CCDC187: variants seen among roughly 807,000 people sequenced by gnomAD.
The protein encoded by CCDC187 is coiled-coil domain containing 187, also known as coiled-coil domain-containing protein 187.
Under a neutral mutation model 38.0 loss-of-function variants are expected in CCDC187, and 32 were observed. The observed-to-expected ratio is 0.84, with a 90% CI of 0.64 to 1.13. The LOEUF is 1.13. CCDC187 is among the 50% of genes most tolerant of loss of function. The probability of loss-of-function intolerance (pLI) is 0.00; values close to 1 mark genes in which losing one functional copy is unlikely to be tolerated. For missense variants in CCDC187, 707 were observed against 786.8 expected (o/e 0.90, Z 1.21); for synonymous variants, 333 against 347.9 (o/e 0.96, Z 0.48).
At chr9:136,291,713 C>T (rs1278976833) in intron 5 of CCDC187, 68 bp from the exon 6 acceptor site, 3 of 398,370 alleles carry the variant, frequency 7.5e-6, no homozygotes, top group East Asian at 3.6e-5. Flanking sequence ...CTCCTCCATC[C>T]GGGCTGGAGG....
In CCDC187 at chr9:136,264,587, C is replaced by T. The variant is rs140012994; in HGVS notation, c.3736-789G>A. On this transcript the variant is annotated intron_variant, in intron 17 of 25. Transcript: ENST00000638797. The surrounding 1 kb of genome is among the most constrained non-coding windows in gnomAD (Gnocchi z 4.3). ...CATGGGTCTGTGGCCTGGGTCTCCG[C>T]CCCCAGCTCCCTTGCCTGTAATGCC... Among the ~76,000 whole-genome samples, 280 of 152,276 alleles carry T rather than the reference C, an allele frequency of 1.8e-3. 1 individual carries two copies. Among genetic ancestry groups the T allele is most frequent in the African/African-American group, 6.4e-3 (266 of 41,556 alleles).
chr9:136,283,855 C>A (rs1386159714), intron 9 of CCDC187, among the ~76,000 whole-genome samples: 1 of 152,196 alleles, frequency 6.6e-6, no homozygotes, highest in African/African-American at 2.4e-5. Flanking sequence ...GGGCAGAAGT[C>A]GTCCTGGGCA....
rs1830740976 is a variant in CCDC187, at chr9:136,266,059, A to T, written c.3648-16T>A. 1 of 984,950 alleles carries T rather than the reference A, an allele frequency of 1.0e-6. No homozygotes were observed. Among genetic ancestry groups the T allele is most frequent in the Non-Finnish European group, 1.2e-6 (1 of 829,580 alleles). The allele number at this position is 984,950 out of a possible 1,614,324, so 61.0% of individuals were successfully genotyped here. On this transcript the variant is annotated splice_polypyrimidine_tract_variant and intron_variant, in intron 16 of 25. Transcript: ENST00000638797. ...GTCCAGGCACCTGGGGGGAGGTGGC[A>T]ACATCACTGCCAATGTTGACAGCCC...
rs145421342 is a variant in CCDC187 at position 136,255,306 on chromosome 9, C to T, written c.4694-172G>A. ...TTGTGATTCCAACCCAGGGGTTCAC[C>T]ACGCCCACCCCCACCCACACGCAAT... On this transcript the variant is annotated intron_variant, in intron 25 of 25. Transcript: ENST00000638797. 5.2e-3 allele frequency among the ~76,000 whole-genome samples: 791 copies of T among 152,296 alleles called. 1 individual carries two copies. The highest frequency in any genetic ancestry group is 0.014 in the Middle Eastern group (4 of 294).
Position 136,289,748 on chromosome 9 carries a change from A to T in CCDC187, c.2222+211T>A, listed in dbSNP as rs965369186. The stretch of plus-strand genomic sequence containing the variant: ...ACGTGGTGGATTTAAGTTTGATGCG[A>T]CTCTTGCCTCCATGAGAACAAGCAC... On this transcript the variant is annotated intron_variant, in intron 7 of 25. Coordinates refer to ENST00000638797, the MANE Select transcript of CCDC187 (RefSeq NM_001378188.1). Among the ~76,000 whole-genome samples, 27 of 151,364 alleles carry T rather than the reference A, an allele frequency of 1.8e-4. No homozygotes were observed. The South Asian group carries it at 5.6e-3, about 32-fold the overall frequency.
intron 23 of CCDC187, 92 bp from the exon 24 acceptor site, chr9:136,256,415 G>T: frequency 3.5e-6 from 2 of 571,082 alleles, no homozygotes; most frequent in Non-Finnish European, 2.2e-6. Flanking sequence ...TGCTTCCAGC[G>T]ACCACGGTAA....
chr9:136,267,291 C>CGGGGCAGGGAG, intron 16 of CCDC187, 93 bp downstream of exon 16: 1 of 799,248 alleles, frequency 1.3e-6, no homozygotes, highest in Non-Finnish European at 1.4e-6. Context: ...GGGACCCGGA[C>CGGGGCAGGGAG]GGGGCAGGGA....
intron 9 of CCDC187, among the ~76,000 whole-genome samples, chr9:136,284,343 C>T (rs1246094074): frequency 1.3e-5 from 2 of 152,166 alleles, no homozygotes; most frequent in East Asian, 3.9e-4. Context: ...GGGGAGCCCA[C>T]GTCTAGGTGT....
At position 136,264,262 on chromosome 9, in the gene CCDC187, G is replaced by A. The variant is rs550145826; in HGVS notation, c.3736-464C>T. 5.2e-5 allele frequency: 8 copies of A among 152,476 alleles called. No individual in the cohort carries two copies. Among genetic ancestry groups the A allele is most frequent in the Non-Finnish European group, 1.2e-4 (8 of 68,234 alleles). 9.4% of individuals were successfully genotyped at this position (152,476 alleles called of 1,614,324 possible). On this transcript the variant is annotated intron_variant, in intron 17 of 25. Coordinates refer to ENST00000638797, the MANE Select transcript of CCDC187 (RefSeq NM_001378188.1). This position sits in a 1 kb window ranked among gnomAD's most constrained non-coding sequence, Gnocchi z 4.3. ...GAGACAGCAGCTTCACTGGTGAGACGGGAAAGCGAGGCTCTGCCAAGCGGG... is the reference window on the plus strand; with the variant it reads ...GAGACAGCAGCTTCACTGGTGAGACAGGAAAGCGAGGCTCTGCCAAGCGGG...
intron 2 of CCDC187, among the ~76,000 whole-genome samples, chr9:136,301,383 C>T (rs1276944854): frequency 6.6e-6 from 1 of 151,908 alleles, no homozygotes; most frequent in African/African-American, 2.4e-5. Flanking sequence ...GTCAGAGCTA[C>T]AGAGACAGGA....
upstream of CCDC187, among the ~76,000 whole-genome samples, chr9:136,304,654 C>G (rs1831770660): frequency 6.6e-6 from 1 of 152,200 alleles, no homozygotes; most frequent in Non-Finnish European, 1.5e-5. Flanking sequence ...AACTCAGACT[C>G]AGATCCCAGT....
chr9:136,302,139 T>A (rs2131368481), intron 2 of CCDC187, among the ~76,000 whole-genome samples: 1 of 151,978 alleles, frequency 6.6e-6, no homozygotes, highest in African/African-American at 2.4e-5. Flanking sequence ...GAACCCGCAA[T>A]GAGATTGCAC....
chr9:136,270,840 CT>C (rs1235782290), intron 14 of CCDC187, among the ~76,000 whole-genome samples: 2 of 152,238 alleles, frequency 1.3e-5, no homozygotes, highest in African/African-American at 4.8e-5. Context: ...TTCCAGGTCA[CT>C]TCTCACAATG....
chr9:136,306,136 G>A (rs1831801425), upstream of CCDC187, among the ~76,000 whole-genome samples: 1 of 152,216 alleles, frequency 6.6e-6, no homozygotes, highest in African/African-American at 2.4e-5. Context: ...ACTGGGCAGA[G>A]GCTGCAGCCT....
upstream of CCDC187, among the ~76,000 whole-genome samples, chr9:136,304,609 G>A (rs1431303006): frequency 1.3e-5 from 2 of 152,168 alleles, no homozygotes; most frequent in Non-Finnish European, 2.9e-5. Flanking sequence ...ACGGCAGTGT[G>A]GTGGGGAGGA....
chr9:136,265,841 G>T, intron 17 of CCDC187, 115 bp downstream of exon 17: 2 of 458,402 alleles, frequency 4.4e-6, no homozygotes, highest in Non-Finnish European at 5.7e-6. Flanking sequence ...GGTGGCAAGG[G>T]CTTGGGAATT....
chr9:136,295,384 G>A (rs1216752526), intron 4 of CCDC187, among the ~76,000 whole-genome samples: 10 of 152,304 alleles, frequency 6.6e-5, no homozygotes, highest in Non-Finnish European at 1.0e-4. Flanking sequence ...TTTTTCTTCC[G>A]CTGAGCAGTT....
At position 136,257,838 on chromosome 9, in the gene CCDC187, G is replaced by A. The variant is rs1230925173; in HGVS notation, c.4367-997C>T. On this transcript the variant is annotated intron_variant, in intron 22 of 25. Coordinates refer to ENST00000638797, the MANE Select transcript of CCDC187 (RefSeq NM_001378188.1). This position sits in a 1 kb window ranked among gnomAD's most constrained non-coding sequence, Gnocchi z 4.5. ...ATGGGGCGTCACCCAGGGAGCCCCT[G>A]CAAGCGCAGTCTTTTGATCAGAGAG... Among the ~76,000 whole-genome samples, 1 of 152,176 alleles carries A rather than the reference G, an allele frequency of 6.6e-6. No homozygotes were observed.
chr9:136,255,731 G>A lies in CCDC187; in HGVS notation c.4619C>T (p.Thr1540Met), dbSNP rs112059024. 0.046 allele frequency: 44,828 copies of A among 985,040 alleles called. 1,114 individuals carry two copies. Among genetic ancestry groups the A allele is most frequent in the Middle Eastern group, 0.063 (120 of 1,918 alleles). The allele number at this position is 985,040 out of a possible 1,614,324, so 61.0% of individuals were successfully genotyped here. The change falls in exon 25 of 26, where the codon ACG (threonine) becomes ATG (methionine). Residue 1540 changes from threonine (T) to methionine (M), a missense_variant and splice_region_variant. Thr to Met is a moderately conservative substitution (Grantham distance 81). Coordinates refer to ENST00000638797, the MANE Select transcript of CCDC187 (RefSeq NM_001378188.1). Reference sequence around the variant, plus strand: ...GGGGACCTCCTGCTGACAGGCCTCCGTCCTGCAAGCACATTCGTGGAGAAC... The same window carrying A: ...GGGGACCTCCTGCTGACAGGCCTCCATCCTGCAAGCACATTCGTGGAGAAC... ...TESWRSGEQRTEACQQEVPGI... is the reference protein window; with the variant it reads ...TESWRSGEQRMEACQQEVPGI...
Sources: gnomAD v4.1 joint callset for allele counts (sites outside exome capture counted in the v4.1 genomes callset) on GRCh38, gnomAD v4.1.1 for gene constraint, Gnocchi (gnomAD v3.1) non-coding constraint, MANE v1.5 for transcripts, NCBI Gene and HGNC (gene_info 2026-07-23, HGNC 2026-07-21) for gene names.